The following TMEM135 variants were observed in gnomAD, a reference collection of about 807,000 sequenced individuals.
TMEM135 encodes the protein transmembrane protein 135.
Under a neutral mutation model 60.3 loss-of-function variants are expected in TMEM135, and 30 were observed. The observed-to-expected ratio is 0.50, with a 90% CI of 0.37 to 0.68. The LOEUF is 0.68. Among genes scored for constraint, TMEM135 ranks in the 30% least tolerant of loss-of-function variants. The probability of loss-of-function intolerance (pLI) is 0.00; values close to 1 mark genes in which losing one functional copy is unlikely to be tolerated. For synonymous variants in TMEM135, 190 were observed against 186.7 expected (o/e 1.02, Z -0.14); for missense variants, 468 against 548.8 (o/e 0.85, Z 1.47).
intron 5 of TMEM135, among the ~76,000 whole-genome samples, chr11:87,230,712 A>G (rs1422796635): frequency 2.0e-5 from 3 of 152,060 alleles, no homozygotes; most frequent in Non-Finnish European, 4.4e-5. Context: ...TTCACTGTCT[A>G]GAGATGTCCA....
intron 6 of TMEM135, among the ~76,000 whole-genome samples, chr11:87,242,373 G>T (rs538522367): frequency 6.7e-6 from 1 of 149,714 alleles, no homozygotes; most frequent in East Asian, 1.9e-4. Context: ...ACCCAGTAAT[G>T]GGATGGCTGG....
At chr11:87,161,966 C>G (rs1244665685) in intron 5 of TMEM135, among the ~76,000 whole-genome samples, 1 of 152,112 alleles carries the variant, frequency 6.6e-6, no homozygotes, top group East Asian at 1.9e-4. Context: ...TGGCCGGTAT[C>G]TCTAGCCTTG....
intron 8 of TMEM135, among the ~76,000 whole-genome samples, chr11:87,303,067 G>A (rs929129044): frequency 9.2e-5 from 14 of 152,116 alleles, no homozygotes; most frequent in Admixed American, 8.5e-4. Flanking sequence ...AAGAAAGTTA[G>A]GGGATCAATT....
In TMEM135 at chr11:87,326,347, T is replaced by G. The variant is rs1942912588; in HGVS notation, c.*5014T>G. On this transcript the variant is annotated 3_prime_UTR_variant, in exon 15 of 15. Coordinates refer to ENST00000305494, the MANE Select transcript of TMEM135 (RefSeq NM_022918.4). ...GGCTGAGGTCACCCTGCATTACTACTTTCCTCCATCCCTGAACTAGGACCA... is the reference window on the plus strand; with the variant it reads ...GGCTGAGGTCACCCTGCATTACTACGTTCCTCCATCCCTGAACTAGGACCA... 2.2e-6 allele frequency: 1 copy of G among 454,014 alleles called. No homozygotes were observed. Among genetic ancestry groups the G allele is most frequent in the Admixed American group, 2.3e-5 (1 of 42,554 alleles). The allele number at this position is 454,014 out of a possible 1,614,324, so 28.1% of individuals were successfully genotyped here. A position where few individuals can be genotyped will look rare whatever the true frequency, so the allele number is the denominator to read the frequency against.
At chr11:87,253,979 T>TA (rs1941473082) in intron 6 of TMEM135, among the ~76,000 whole-genome samples, 1 of 152,000 alleles carries the variant, frequency 6.6e-6, no homozygotes, top group Admixed American at 6.6e-5. Flanking sequence ...CCACAGATTT[T>TA]AAAAAAACAT....
intron 5 of TMEM135, among the ~76,000 whole-genome samples, chr11:87,175,538 G>A (rs1052307969): frequency 1.2e-4 from 18 of 152,108 alleles, no homozygotes; most frequent in African/African-American, 4.3e-4. Context: ...CTTCATAATA[G>A]TCACTCTGCT....
chr11:87,087,172 A>G (rs1187656339), intron 3 of TMEM135, among the ~76,000 whole-genome samples: 1 of 152,106 alleles, frequency 6.6e-6, no homozygotes, highest in African/African-American at 2.4e-5. Flanking sequence ...CATGGGGGTA[A>G]GAACAGCTCA....
chr11:87,202,648 T>C (rs548089249), intron 5 of TMEM135, among the ~76,000 whole-genome samples: 1 of 151,910 alleles, frequency 6.6e-6, no homozygotes, highest in South Asian at 2.1e-4. Flanking sequence ...TGTAGGTGTG[T>C]ATGTTTAACA....
chr11:87,284,211 A>G (rs186381966), intron 6 of TMEM135, among the ~76,000 whole-genome samples: 104 of 152,352 alleles, frequency 6.8e-4, no homozygotes, highest in Non-Finnish European at 1.1e-3. Flanking sequence ...TTTAGGTCCA[A>G]TGAAACCACA....
At position 87,326,940 on chromosome 11, in the gene TMEM135, G is replaced by A. The variant is rs1327305767; in HGVS notation, c.*5607G>A. The A allele has an allele frequency of 2.2e-5, 9 of 402,722 alleles. No homozygotes were observed. Among genetic ancestry groups the A allele is most frequent in the South Asian group, 1.0e-4 (6 of 58,152 alleles). 24.9% of individuals were successfully genotyped at this position (402,722 alleles called of 1,614,324 possible). A position where few individuals can be genotyped will look rare whatever the true frequency, so the allele number is the denominator to read the frequency against. ...TTTTTTTTTTTTTTTTCACTAAAAC[G>A]CTTCCTATAACTTGGATTAAAATTC... On this transcript the variant is annotated 3_prime_UTR_variant, in exon 15 of 15. Transcript: ENST00000305494.
At position 87,119,236 on chromosome 11, in the gene TMEM135, C is replaced by T. The variant is rs563738593; in HGVS notation, c.396+27841C>T. On this transcript the variant is annotated intron_variant, in intron 4 of 14. Transcript: ENST00000305494. ...TAGAATTGCAAGGTTATTAATTGGCCTAATTTCAATATTGTTGTGTCTCAG... is the reference window on the plus strand; with the variant it reads ...TAGAATTGCAAGGTTATTAATTGGCTTAATTTCAATATTGTTGTGTCTCAG... 8.1e-4 allele frequency among the ~76,000 whole-genome samples: 124 copies of T among 152,210 alleles called. 1 individual carries two copies. The highest frequency in any genetic ancestry group is 1.2e-3 in the Admixed American group (18 of 15,292).
chr11:87,206,263 A>G (rs978142548), intron 5 of TMEM135, among the ~76,000 whole-genome samples: 9 of 152,200 alleles, frequency 5.9e-5, no homozygotes, highest in African/African-American at 2.2e-4. Flanking sequence ...TTAATGTTCA[A>G]TAATAGTAGT....
intron 5 of TMEM135, among the ~76,000 whole-genome samples, chr11:87,196,718 C>A (rs79810566): frequency 0.03 from 4,594 of 152,154 alleles, 214 homozygotes; most frequent in African/African-American, 0.1. Context: ...AATTTCCTGA[C>A]TTTCTGATAA....
intron 5 of TMEM135, among the ~76,000 whole-genome samples, chr11:87,179,552 C>T (rs907416185): frequency 1.3e-5 from 2 of 152,018 alleles, no homozygotes; most frequent in Non-Finnish European, 2.9e-5. Flanking sequence ...TCTGGTTTCT[C>T]TTCAGATCAT....
At chr11:87,248,617 T>C (rs2135388400) in intron 6 of TMEM135, among the ~76,000 whole-genome samples, 1 of 117,252 alleles carries the variant, frequency 8.5e-6, no homozygotes, top group East Asian at 2.1e-4. Flanking sequence ...TGGTTCCATA[T>C]AAATTATATG....
chr11:87,040,789 A>G (rs1009907548), intron 1 of TMEM135, among the ~76,000 whole-genome samples: 1 of 152,048 alleles, frequency 6.6e-6, no homozygotes, highest in Admixed American at 6.5e-5. Context: ...TGCATTGATG[A>G]TGTATCACAT....
chr11:87,269,678 C>T (rs1019248679), intron 6 of TMEM135, among the ~76,000 whole-genome samples: 7 of 151,298 alleles, frequency 4.6e-5, no homozygotes, highest in African/African-American at 1.5e-4. Context: ...ATGAACTCAT[C>T]GTTTTTTATG....
chr11:87,207,486 A>G (rs1482723396), intron 5 of TMEM135, among the ~76,000 whole-genome samples: 1 of 152,128 alleles, frequency 6.6e-6, no homozygotes, highest in African/African-American at 2.4e-5. Context: ...ACAATTTGTC[A>G]TTAAGCAACA....
intron 5 of TMEM135, among the ~76,000 whole-genome samples, chr11:87,187,720 A>G (rs1465668446): frequency 2.0e-5 from 3 of 152,230 alleles, no homozygotes; most frequent in African/African-American, 4.8e-5. Context: ...TATAACTTCA[A>G]ATCTTAAAGA....
Sources: allele counts gnomAD v4.1 joint callset (sites outside exome capture counted in the v4.1 genomes callset), GRCh38; gene constraint gnomAD v4.1.1; transcripts MANE v1.5; gene names NCBI Gene and HGNC (gene_info 2026-07-23, HGNC 2026-07-21).